ZZEF1: variants seen among roughly 807,000 people sequenced by gnomAD.
ZZEF1 encodes the protein zinc finger ZZ-type and EF-hand domain containing 1, also known as zinc finger ZZ-type and EF-hand domain-containing protein 1.
ZZEF1 carries 157 observed loss-of-function variants against 342.8 expected under a neutral mutation model. The observed-to-expected ratio is 0.46, with a 90% CI of 0.40 to 0.52. The LOEUF (loss-of-function observed/expected upper bound fraction) is 0.52. Among genes scored for constraint, ZZEF1 ranks in the 20% least tolerant of loss-of-function variants. ZZEF1 has a pLI of 0.00. For missense variants in ZZEF1, 3,480 were observed against 3,725.6 expected, an observed-to-expected ratio of 0.93 and a Z score of 1.72; for synonymous variants, 1,505 against 1,429.1, an observed-to-expected ratio of 1.05 and a Z score of -1.20.
rs527490711 is a variant in ZZEF1, at chr17:4,066,346, C to T, written c.4249+101G>A. ...CTGTGTTACTTTCCCTAGGTCAACACAGCCTCAATTAAGATAATCTAGAAG... is the reference window on the plus strand; with the variant it reads ...CTGTGTTACTTTCCCTAGGTCAACATAGCCTCAATTAAGATAATCTAGAAG... On this transcript the variant is annotated intron_variant, in intron 28 of 54. Transcript: ENST00000381638. 16 of 1,000,408 alleles carry T rather than the reference C, an allele frequency of 1.6e-5. No homozygotes were observed. The African/African-American group carries it at 2.4e-4, about 15-fold the overall frequency. 62.0% of individuals were successfully genotyped at this position (1,000,408 alleles called of 1,614,324 possible).
At chr17:4,039,254 G>A (rs577500994) in intron 39 of ZZEF1, among the ~76,000 whole-genome samples, 2 of 152,142 alleles carry the variant, frequency 1.3e-5, no homozygotes, top group East Asian at 3.9e-4. Context: ...GACTGCTTGA[G>A]ATCGGCAGTT....
rs1189105340 is a variant in ZZEF1 at position 4,034,232 on chromosome 17, T to C, written c.6367A>G (p.Ile2123Val). Residue 2123 changes from isoleucine (I) to valine (V), a missense_variant, in exon 40 of 55, where the codon ATC becomes GTC. By Grantham distance (29) the Ile-to-Val change is conservative. Transcript: ENST00000381638. ...HVLPLMFQVV[I>V]SNAGHLNETY... Reference sequence around the variant, plus strand: ...TCATTCAGGTGGCCTGCGTTTGAGATGACAACCTGAAACATGAGTGGAAGG... The same window carrying C: ...TCATTCAGGTGGCCTGCGTTTGAGACGACAACCTGAAACATGAGTGGAAGG... 1 of 1,614,196 alleles carries C rather than the reference T, an allele frequency of 6.2e-7. No homozygotes were observed. Among genetic ancestry groups the C allele is most frequent in the Non-Finnish European group, 8.5e-7 (1 of 1,180,028 alleles).
intron 1 of ZZEF1, among the ~76,000 whole-genome samples, chr17:4,132,554 C>T (rs932379277): frequency 6.6e-5 from 10 of 151,530 alleles, no homozygotes; most frequent in Non-Finnish European, 8.8e-5. Context: ...AAAAATTAGC[C>T]GGGCTTGGTG....
At chr17:4,066,645 T>C in intron 27 of ZZEF1, 105 bp from the exon 28 acceptor site, 1 of 923,468 alleles carries the variant, frequency 1.1e-6, no homozygotes, top group Non-Finnish European at 1.7e-6. Context: ...CACAGAGTAC[T>C]TCACAGTTGT....
intron 2 of ZZEF1, 71 bp downstream of exon 2, chr17:4,123,836 T>C: frequency 3.9e-6 from 6 of 1,538,704 alleles, no homozygotes; most frequent in African/African-American, 1.4e-5. Flanking sequence ...GCCACAATTT[T>C]GCCTAATTTC....
chr17:4,017,382 C>T lies in ZZEF1; in HGVS notation c.7990G>A (p.Glu2664Lys), dbSNP rs1217354165. The change falls in exon 48 of 55, where the codon GAG becomes AAG. Residue 2664 changes from glutamate to lysine, a missense_variant. By Grantham distance (56) the Glu-to-Lys change is moderately conservative. Coordinates refer to ENST00000381638, the MANE Select transcript of ZZEF1 (RefSeq NM_015113.4). This position sits in a 1 kb window ranked among gnomAD's most constrained non-coding sequence, Gnocchi z 5.1. ...GTCTGCATAACTACCTTCTCCCACTCATGCTTTTCTTCCAGCTGCATGAAC... is the reference window on the plus strand; with the variant it reads ...GTCTGCATAACTACCTTCTCCCACTTATGCTTTTCTTCCAGCTGCATGAAC... ...DMFMQLEEKH[E>K]WEKILQKVLQ... is the part of the protein sequence containing the mutation. 2.5e-6 allele frequency: 4 copies of T among 1,596,472 alleles called. No individual in the cohort carries two copies. The highest frequency in any genetic ancestry group is 1.1e-5 in the South Asian group (1 of 90,010).
intron 7 of ZZEF1, among the ~76,000 whole-genome samples, chr17:4,105,056 C>G (rs543692677): frequency 6.6e-6 from 1 of 152,170 alleles, no homozygotes. Context: ...AATACCAATA[C>G]GCTACTGTAA....
intron 7 of ZZEF1, among the ~76,000 whole-genome samples, chr17:4,105,144 A>G (rs148170176): frequency 6.6e-6 from 1 of 152,326 alleles, no homozygotes; most frequent in African/African-American, 2.4e-5. Flanking sequence ...TGAAGCACTA[A>G]AAATGTATCA....
Position 4,014,401 on chromosome 17 carries a change from C to G in ZZEF1, c.8260G>C (p.Asp2754His). 1 of 1,614,234 alleles carries G rather than the reference C, an allele frequency of 6.2e-7. No individual in the cohort carries two copies. Reference sequence around the variant, plus strand: ...TGAGACCCGCTGAAGCTGTGTCGGTCTTGCTGGAAGTCACTGCTGCTGGAC... The same window carrying G: ...TGAGACCCGCTGAAGCTGTGTCGGTGTTGCTGGAAGTCACTGCTGCTGGAC... ...AMSSSSDFQQDRHSFSGSQQK... is the reference protein window; with the variant it reads ...AMSSSSDFQQHRHSFSGSQQK... The change falls in exon 50 of 55, where the codon GAC becomes CAC. Residue 2754 changes from aspartate (D) to histidine (H), a missense_variant. This residue lies in a region of ZZEF1 where 1,269 missense variants were observed against 1,342.4 expected (regional missense o/e 0.95). Transcript: ENST00000381638. The surrounding 1 kb of genome is among the most constrained non-coding windows in gnomAD (Gnocchi z 4.4).
At chr17:4,084,941 A>T (rs2057791657) in intron 16 of ZZEF1, among the ~76,000 whole-genome samples, 1 of 152,008 alleles carries the variant, frequency 6.6e-6, no homozygotes, top group South Asian at 2.1e-4. Context: ...GGCAAAACTC[A>T]TCTCTACAAA....
rs190789065 is a variant in ZZEF1, at chr17:4,026,212, T to C, written c.6893-1094A>G. On this transcript the variant is annotated intron_variant, in intron 42 of 54. Transcript: ENST00000381638. The stretch of plus-strand genomic sequence containing the variant: ...GAGCTCACAGAGAGCTGGGAATACT[T>C]TGTCTTTCCAACAGTGAGAGTGGAA... Among the ~76,000 whole-genome samples, 134 of 152,254 alleles carry C rather than the reference T, an allele frequency of 8.8e-4. 4 individuals are homozygous for C. In the South Asian group the frequency reaches 0.027, roughly 30 times the overall value.
Position 4,114,404 on chromosome 17 carries a change from G to A in ZZEF1, c.761C>T (p.Ala254Val). The change falls in exon 4 of 55, where the codon GCT (alanine) becomes GTT (valine). Residue 254 changes from alanine to valine, a missense_variant. Coordinates refer to ENST00000381638, the MANE Select transcript of ZZEF1 (RefSeq NM_015113.4). ...DKLKSVAKCY[A>V]YIETSSNSAD... ...CGAGTTGGAGGATGTTTCTATATAA[G>A]CATAGCACTTTGCTACTGACTTGAG... The A allele has an allele frequency of 1.2e-6, 2 of 1,610,906 alleles. No homozygotes were observed. Among genetic ancestry groups the A allele is most frequent in the Non-Finnish European group, 1.7e-6 (2 of 1,178,654 alleles).
At position 4,104,677 on chromosome 17, in the gene ZZEF1, A is replaced by G; in HGVS notation, c.1529T>C (p.Ile510Thr). 2 of 1,614,122 alleles carry G rather than the reference A, an allele frequency of 1.2e-6. No individual in the cohort carries two copies. Among genetic ancestry groups the G allele is most frequent in the Non-Finnish European group, 1.7e-6 (2 of 1,180,004 alleles). ...LDTQYDASSL[I>T]LSMASVRQNL... Reference sequence around the variant, plus strand: ...CTGTCTGACTGACGCCATGGACAAGATGAGGGATGAGGCATCATACTGCGT... The same window carrying G: ...CTGTCTGACTGACGCCATGGACAAGGTGAGGGATGAGGCATCATACTGCGT... Residue 510 changes from isoleucine to threonine, a missense_variant, in exon 8 of 55, where the codon ATC becomes ACC. By Grantham distance (89) the Ile-to-Thr change is moderately conservative. This residue lies in a region of ZZEF1 where 1,528 missense variants were observed against 1,624.1 expected (regional missense o/e 0.94). Coordinates refer to ENST00000381638, the MANE Select transcript of ZZEF1 (RefSeq NM_015113.4).
rs1430993272 is a variant in ZZEF1, at chr17:4,050,998, A to T, written c.5646T>A (p.Ile1882=). 7 of 1,614,094 alleles carry T rather than the reference A, an allele frequency of 4.3e-6. No homozygotes were observed. Among genetic ancestry groups the T allele is most frequent in the African/African-American group, 1.3e-5 (1 of 74,936 alleles). The change falls in exon 36 of 55, where the codon ATT becomes ATA. Residue 1882 remains isoleucine, a synonymous_variant. Coordinates refer to ENST00000381638, the MANE Select transcript of ZZEF1 (RefSeq NM_015113.4). Reference sequence around the variant, plus strand: ...TGAGCCTCTGCCGGTCACTGATCCGAATGGTTACCATTGGGTGGGCCGTGA... The same window carrying T: ...TGAGCCTCTGCCGGTCACTGATCCGTATGGTTACCATTGGGTGGGCCGTGA... The part of the protein sequence containing the change: ...HSITAHPMVT[I]RISDRQRLIQ...
intron 24 of ZZEF1, among the ~76,000 whole-genome samples, chr17:4,073,004 A>C (rs2057540117): frequency 6.6e-6 from 1 of 152,228 alleles, no homozygotes; most frequent in African/African-American, 2.4e-5. Flanking sequence ...GGAAATGACT[A>C]ATCTGTTTAT....
At chr17:4,033,111 T>C (rs1281911932) in intron 40 of ZZEF1, 109 bp from the exon 41 acceptor site, 27 of 1,064,344 alleles carry the variant, frequency 2.5e-5, no homozygotes, top group Non-Finnish European at 3.4e-5. Context: ...AGCCATTCAT[T>C]AACTAGCTTA....
rs774407420 is a variant in ZZEF1 at position 4,077,994 on chromosome 17, G to C, written c.2878C>G (p.Leu960Val). The C allele has an allele frequency of 1.9e-6, 3 of 1,614,134 alleles. No homozygotes were observed. The highest frequency in any genetic ancestry group is 1.7e-6 in the Non-Finnish European group (2 of 1,180,034). The change falls in exon 19 of 55, where the codon CTC becomes GTC. Residue 960 changes from leucine (L) to valine (V), a missense_variant. By Grantham distance (32) the Leu-to-Val change is conservative. Coordinates refer to ENST00000381638, the MANE Select transcript of ZZEF1 (RefSeq NM_015113.4). ...SGAPGEVGSV[L>V]FSLFWSVQGS... ...TGGACGGACCAGAACAGGGAGAAGA[G>C]CACAGAGCCCACCTCCCCTGGGGCC...
chr17:4,132,709 GTAAT>G (rs2058683648), intron 1 of ZZEF1, among the ~76,000 whole-genome samples: 1 of 105,214 alleles, frequency 9.5e-6, no homozygotes, highest in Non-Finnish European at 2.4e-5. Context: ...GCGGGCGCCT[GTAAT>G]CCCAGCACTT....
At chr17:4,140,667 A>T (rs959471621) in intron 1 of ZZEF1, among the ~76,000 whole-genome samples, 4 of 152,152 alleles carry the variant, frequency 2.6e-5, no homozygotes, top group African/African-American at 9.7e-5. Context: ...TTGACCTTCT[A>T]TTAAGGGACT....
Sources: allele counts gnomAD v4.1 joint callset (sites outside exome capture counted in the v4.1 genomes callset), GRCh38; gene constraint gnomAD v4.1.1; regional missense constraint gnomAD v4.1.1; non-coding constraint Gnocchi (gnomAD v3.1); transcripts MANE v1.5; gene names NCBI Gene and HGNC (gene_info 2026-07-23, HGNC 2026-07-21).